The following ZNF217 variants were observed in gnomAD, a reference collection of about 807,000 sequenced individuals.
ZNF217 encodes the protein zinc finger protein 217.
A neutral mutation model predicts 73.3 loss-of-function variants in ZNF217; 12 were observed. The observed-to-expected ratio is 0.16, with a 90% CI of 0.10 to 0.27. The LOEUF is 0.27. Ranked by LOEUF, ZNF217 falls within the 10% of genes least tolerant of loss-of-function variation. ZNF217 has a pLI of 1.00. For missense variants in ZNF217, 1,195 were observed against 1,327.8 expected, an observed-to-expected ratio of 0.90 and a Z score of 1.55; for synonymous variants, 588 against 516.4, an observed-to-expected ratio of 1.14 and a Z score of -1.88.
Position 53,568,240 on chromosome 20 carries a change from T to C in ZNF217, c.*1048A>G, listed in dbSNP as rs554432297. 6.6e-6 allele frequency: 1 copy of C among 152,278 alleles called. No homozygotes were observed. Among genetic ancestry groups the C allele is most frequent in the African/African-American group, 2.4e-5 (1 of 41,560 alleles). The allele number at this position is 152,278 out of a possible 1,614,324, so 9.4% of individuals were successfully genotyped here. On this transcript the variant is annotated 3_prime_UTR_variant, in exon 6 of 6. Transcript: ENST00000371471. ...CAGTTCACCCAAATGCCAGATACAT[T>C]AAGACTACCAAATACAAACCTAAAA...
chr20:53,590,182 T>A (rs1988831069), intron 1 of ZNF217, among the ~76,000 whole-genome samples: 1 of 152,230 alleles, frequency 6.6e-6, no homozygotes, highest in African/African-American at 2.4e-5. Flanking sequence ...GAATACTCAG[T>A]TTATGCAACT....
intron 4 of ZNF217, among the ~76,000 whole-genome samples, chr20:53,572,200 G>A (rs1988042605): frequency 6.6e-6 from 1 of 152,078 alleles, no homozygotes; most frequent in South Asian, 2.1e-4. Flanking sequence ...CATTTAAAAG[G>A]GGATTTGCCA....
At chr20:53,593,344 T>C (rs1339051576) in intron 1 of ZNF217, among the ~76,000 whole-genome samples, 3 of 151,566 alleles carry the variant, frequency 2.0e-5, no homozygotes, top group Non-Finnish European at 4.4e-5. Context: ...ACGCCGACGT[T>C]CCCCCTCCGC....
rs1365735070 is a variant in ZNF217 at position 53,581,878 on chromosome 20, C to A, written c.949G>T (p.Gly317Trp). Residue 317 changes from glycine (G) to tryptophan (W), a missense_variant, in exon 2 of 6, where the codon GGG becomes TGG. Coordinates refer to ENST00000371471, the MANE Select transcript of ZNF217 (RefSeq NM_006526.3). This position sits in a 1 kb window ranked among gnomAD's most constrained non-coding sequence, Gnocchi z 4.9. ...VAICQEVKESGQEGSTDNDDS... is the reference protein window; with the variant it reads ...VAICQEVKESWQEGSTDNDDS... Reference sequence around the variant, plus strand: ...TCGTTGTCGGTGCTCCCTTCTTGCCCCGATTCCTTCACTTCTTGGCAAATG... The same window carrying A: ...TCGTTGTCGGTGCTCCCTTCTTGCCACGATTCCTTCACTTCTTGGCAAATG... 3 of 1,614,086 alleles carry A rather than the reference C, an allele frequency of 1.9e-6. No homozygotes were observed. The highest frequency in any genetic ancestry group is 2.5e-6 in the Non-Finnish European group (3 of 1,180,048).
At chr20:53,595,055 A>AAC (rs1555811207), upstream of ZNF217, among the ~76,000 whole-genome samples, 1 of 149,316 alleles carries the variant, frequency 6.7e-6, no homozygotes, top group Non-Finnish European at 1.5e-5. Context: ...ACAAAAAAAA[A>AAC]AAAAAAAAAA....
At chr20:53,586,661 C>A (rs955229549) in intron 1 of ZNF217, among the ~76,000 whole-genome samples, 1 of 152,210 alleles carries the variant, frequency 6.6e-6, no homozygotes, top group Non-Finnish European at 1.5e-5. Flanking sequence ...TCCCTTAAAA[C>A]CAATTTGCTC....
intron 3 of ZNF217, among the ~76,000 whole-genome samples, chr20:53,578,089 G>GT (rs1234368543): frequency 9.9e-5 from 15 of 151,964 alleles, no homozygotes; most frequent in Non-Finnish European, 8.8e-5. Context: ...TCCAGCCGAG[G>GT]TGACAGAGCA....
chr20:53,593,664 C>G, intron 1 of ZNF217, 92 bp downstream of exon 1: 1 of 151,248 alleles, frequency 6.6e-6, no homozygotes, highest in Non-Finnish European at 1.5e-5. Context: ...GACAAGACAA[C>G]GAGAGCCGGG....
chr20:53,580,828 C>G (rs540034990), intron 2 of ZNF217, among the ~76,000 whole-genome samples: 1 of 150,466 alleles, frequency 6.6e-6, no homozygotes, highest in African/African-American at 2.4e-5. Flanking sequence ...AATAATATTC[C>G]TGGCTCTAGT....
At chr20:53,588,142 A>C (rs549523330) in intron 1 of ZNF217, among the ~76,000 whole-genome samples, 3 of 152,156 alleles carry the variant, frequency 2.0e-5, no homozygotes, top group African/African-American at 7.2e-5. Flanking sequence ...AAATAGGATT[A>C]GAGACCAAAG....
chr20:53,585,095 G>GAAAAAAAAAAAAAAAAA (rs748460021), intron 1 of ZNF217, among the ~76,000 whole-genome samples: 1 of 46,960 alleles, frequency 2.1e-5, no homozygotes, highest in African/African-American at 7.6e-5. Flanking sequence ...GTGAGAATTT[G>GAAAAAAAAAAAAAAAAA]AAAAAAAAAA....
chr20:53,581,395 GA>G lies in ZNF217; in HGVS notation c.1366+65del, dbSNP rs1988475247. On this transcript the variant is annotated intron_variant, in intron 2 of 5. Transcript: ENST00000371471. This position sits in a 1 kb window ranked among gnomAD's most constrained non-coding sequence, Gnocchi z 4.9. The stretch of plus-strand genomic sequence containing the variant: ...AGCGTTGTCTGGAGATGGGAATAGA[GA>G]GGGGGAGACGGGGAGACAGACAGAC... 1 of 1,525,388 alleles carries G rather than the reference GA, an allele frequency of 6.6e-7. No homozygotes were observed. Among genetic ancestry groups the G allele is most frequent in the African/African-American group, 1.4e-5 (1 of 71,110 alleles). The allele number at this position is 1,525,388 out of a possible 1,614,324, so 94.5% of individuals were successfully genotyped here. A position where few individuals can be genotyped will look rare whatever the true frequency, so the allele number is the denominator to read the frequency against.
At chr20:53,583,412 T>C (rs1988582238) in intron 1 of ZNF217, among the ~76,000 whole-genome samples, 1 of 152,238 alleles carries the variant, frequency 6.6e-6, no homozygotes, top group Non-Finnish European at 1.5e-5. Flanking sequence ...ATCAGTGCTT[T>C]ACCGACTTAA....
rs1394848097 is a variant in ZNF217, at chr20:53,578,435, CCAT to C, written c.1379_1381del (p.Asp460del). The C allele has an allele frequency of 2.6e-6, 4 of 1,562,574 alleles. No homozygotes were observed. The highest frequency in any genetic ancestry group is 1.2e-5 in the South Asian group (1 of 80,646). ...AGATGTAAGATGTTTTATTTTTCCT[CCAT>C]CATCATTTTTATCTTAAAGGAAAAA... On this transcript the variant is annotated inframe_deletion, in exon 3 of 6. Coordinates refer to ENST00000371471, the MANE Select transcript of ZNF217 (RefSeq NM_006526.3).
Position 53,575,575 on chromosome 20 carries a change from C to T in ZNF217, c.3037+152G>A, listed in dbSNP as rs541212114. 5.1e-5 allele frequency: 34 copies of T among 672,578 alleles called. No individual in the cohort carries two copies. In the South Asian group the frequency reaches 6.0e-4, roughly 12 times the overall value. 41.7% of individuals were successfully genotyped at this position (672,578 alleles called of 1,614,324 possible). On this transcript the variant is annotated intron_variant, in intron 4 of 5. Transcript: ENST00000371471. Reference sequence around the variant, plus strand: ...GCCTTGGAGGACCACAAACCACTGCCGTATCTAAGAATGCTTCTCTCTGTG... The same window carrying T: ...GCCTTGGAGGACCACAAACCACTGCTGTATCTAAGAATGCTTCTCTCTGTG...
intron 2 of ZNF217, among the ~76,000 whole-genome samples, chr20:53,580,714 T>C (rs539791244): frequency 6.6e-6 from 1 of 152,344 alleles, no homozygotes; most frequent in South Asian, 2.1e-4. Flanking sequence ...TCACATTCCT[T>C]GTATTTTATG....
chr20:53,572,881 G>GT (rs1988075506), intron 4 of ZNF217: 1 of 152,136 alleles, frequency 6.6e-6, no homozygotes, highest in African/African-American at 2.4e-5. Flanking sequence ...CCTGTACGAA[G>GT]TGACACCACC....
chr20:53,576,812 G>A lies in ZNF217; in HGVS notation c.1952C>T (p.Pro651Leu), dbSNP rs866201450. The change falls in exon 4 of 6, where the codon CCG becomes CTG. Residue 651 changes from proline to leucine, a missense_variant. Physicochemically the swap from Pro to Leu is moderately conservative, Grantham distance 98. Around this residue, in one of 9 missense-constraint regions of ZNF217, gnomAD observed 649 missense variants for 642.8 expected, o/e 1.01. Transcript: ENST00000371471. Reference protein sequence around the residue: ...CRTKADVTPPPDGSTTHNLEV... With the variant: ...CRTKADVTPPLDGSTTHNLEV... Reference sequence around the variant, plus strand: ...AAGGTTATGGGTGGTACTGCCATCCGGAGGAGGAGTAACATCCGCCTTGGT... The same window carrying A: ...AAGGTTATGGGTGGTACTGCCATCCAGAGGAGGAGTAACATCCGCCTTGGT... 1.2e-5 allele frequency: 19 copies of A among 1,614,070 alleles called. No individual in the cohort carries two copies. The highest frequency in any genetic ancestry group is 2.2e-5 in the East Asian group (1 of 44,892).
chr20:53,571,410 C>A (rs1253932541), intron 5 of ZNF217, among the ~76,000 whole-genome samples: 3 of 119,884 alleles, frequency 2.5e-5, no homozygotes, highest in Non-Finnish European at 5.1e-5. Flanking sequence ...GCCCCCGCCC[C>A]CCCTTTTTTT....
Sources: allele counts gnomAD v4.1 joint callset (sites outside exome capture counted in the v4.1 genomes callset), GRCh38; gene constraint gnomAD v4.1.1; regional missense constraint gnomAD v4.1.1; non-coding constraint Gnocchi (gnomAD v3.1); transcripts MANE v1.5; gene names NCBI Gene and HGNC (gene_info 2026-07-23, HGNC 2026-07-21).